CHST9: variants seen among roughly 807,000 people sequenced by gnomAD.
CHST9 encodes the protein carbohydrate sulfotransferase 9.
Under a neutral mutation model 44.4 loss-of-function variants are expected in CHST9, and 41 were observed. The ratio of observed to expected loss-of-function variants is 0.92; its 90% CI spans 0.72 to 1.20. The LOEUF is 1.20. CHST9 is among the 50% of genes most tolerant of loss of function. CHST9 has a pLI of 0.00. For synonymous variants in CHST9, 171 were observed against 178.4 expected (o/e 0.96, Z 0.33); for missense variants, 504 against 516.5 (o/e 0.98, Z 0.23).
At chr18:26,980,684 T>C (rs760455997) in intron 4 of CHST9, among the ~76,000 whole-genome samples, 32 of 152,256 alleles carry the variant, frequency 2.1e-4, no homozygotes, top group Non-Finnish European at 3.7e-4. Flanking sequence ...TAGTGCTGTC[T>C]AAGGCAAGCA....
chr18:27,171,555 C>T (rs2058833758), intron 1 of CHST9, among the ~76,000 whole-genome samples: 1 of 152,060 alleles, frequency 6.6e-6, no homozygotes, highest in Admixed American at 6.5e-5. Context: ...TCTTAGTATA[C>T]AGTAAAACTG....
At chr18:26,926,545 T>A (rs2055771530) in intron 5 of CHST9, among the ~76,000 whole-genome samples, 2 of 152,172 alleles carry the variant, frequency 1.3e-5, no homozygotes, top group African/African-American at 4.8e-5. Context: ...TCCTTCCAAG[T>A]TTTGTAGGAA....
At chr18:27,017,476 G>T (rs541135274) in intron 4 of CHST9, among the ~76,000 whole-genome samples, 1 of 152,124 alleles carries the variant, frequency 6.6e-6, no homozygotes, top group Non-Finnish European at 1.5e-5. Context: ...AAATTATTAC[G>T]GCATGTGAAA....
intron 3 of CHST9, among the ~76,000 whole-genome samples, chr18:27,040,146 G>T (rs1444654532): frequency 6.6e-6 from 1 of 152,124 alleles, no homozygotes; most frequent in Non-Finnish European, 1.5e-5. Context: ...GGAAATGAAG[G>T]TAAGCTAGGG....
At chr18:27,009,335 C>G (rs139978967) in intron 4 of CHST9, among the ~76,000 whole-genome samples, 1 of 152,232 alleles carries the variant, frequency 6.6e-6, no homozygotes, top group East Asian at 1.9e-4. Flanking sequence ...ACAAAGAACT[C>G]TTTCCTAGGA....
At chr18:27,118,529 G>A (rs545333277) in intron 2 of CHST9, among the ~76,000 whole-genome samples, 1 of 152,322 alleles carries the variant, frequency 6.6e-6, no homozygotes, top group East Asian at 1.9e-4. Flanking sequence ...TCCATCAATC[G>A]AGGAGAGATC....
At chr18:27,091,639 A>G (rs899364213) in intron 2 of CHST9, among the ~76,000 whole-genome samples, 7 of 152,168 alleles carry the variant, frequency 4.6e-5, no homozygotes, top group Non-Finnish European at 1.0e-4. Context: ...TAGTTTATTG[A>G]GAGTTTTTAG....
At chr18:26,926,964 T>A (rs889073165) in intron 5 of CHST9, among the ~76,000 whole-genome samples, 1 of 152,214 alleles carries the variant, frequency 6.6e-6, no homozygotes, top group African/African-American at 2.4e-5. Flanking sequence ...TATGGCTCTT[T>A]AATATTTCCG....
chr18:27,135,336 A>C (rs999958284), intron 2 of CHST9, among the ~76,000 whole-genome samples: 27 of 152,200 alleles, frequency 1.8e-4, no homozygotes, highest in Admixed American at 1.8e-3. Flanking sequence ...TCCATACTGC[A>C]GTAATATTTT....
chr18:27,136,901 T>C (rs988259713), intron 2 of CHST9, among the ~76,000 whole-genome samples: 2 of 152,224 alleles, frequency 1.3e-5, no homozygotes, highest in Non-Finnish European at 2.9e-5. Flanking sequence ...CAAACTAAAC[T>C]TGACTCTGGA....
At chr18:26,924,665 G>A in intron 5 of CHST9, 1 of 605,982 alleles carries the variant, frequency 1.7e-6, no homozygotes, top group Non-Finnish European at 2.1e-6. Flanking sequence ...AGAGGGTGGG[G>A]TGCTCAAAAG....
chr18:26,909,660 A>G lies in CHST9; in HGVS notation c.*6599T>C, dbSNP rs2055413715. ...TATTTTCAGCAAATGAATGCATAAA[A>G]TGAGATACTGTGTGTTTTACTAGTT... On this transcript the variant is annotated 3_prime_UTR_variant, in exon 6 of 6. Coordinates refer to ENST00000618847, the MANE Select transcript of CHST9 (RefSeq NM_031422.6). The G allele has an allele frequency of 6.6e-6, 1 of 152,210 alleles. No individual in the cohort carries two copies. Among genetic ancestry groups the G allele is most frequent in the Non-Finnish European group, 1.5e-5 (1 of 68,050 alleles). The allele number at this position is 152,210 out of a possible 1,614,324, so 9.4% of individuals were successfully genotyped here. A position where few individuals can be genotyped will look rare whatever the true frequency, so the allele number is the denominator to read the frequency against.
intron 1 of CHST9, among the ~76,000 whole-genome samples, chr18:27,161,605 G>C (rs2058747530): frequency 6.6e-6 from 1 of 152,176 alleles, no homozygotes; most frequent in Non-Finnish European, 1.5e-5. Context: ...GGGGTGGAGA[G>C]TTCTGTAGAT....
rs10568274 is a variant in CHST9, at chr18:27,019,550, CAG to C, written c.202+4564_202+4565del. The stretch of plus-strand genomic sequence containing the variant: ...TGGAGGCCTAGAGACGTAAAGGAGT[CAG>C]AGTCAGAAGAGTCAAGTTTTAGATT... On this transcript the variant is annotated intron_variant, in intron 4 of 5. Transcript: ENST00000618847. Among the ~76,000 whole-genome samples, 1,038 of 152,092 alleles carry C rather than the reference CAG, an allele frequency of 6.8e-3. 12 individuals are homozygous for C. The highest frequency in any genetic ancestry group is 0.024 in the African/African-American group (992 of 41,482).
intron 5 of CHST9, among the ~76,000 whole-genome samples, chr18:26,941,278 G>C (rs898197254): frequency 6.6e-6 from 1 of 152,164 alleles, no homozygotes; most frequent in African/African-American, 2.4e-5. Flanking sequence ...ACCAGAAACA[G>C]AGCCTCATAT....
chr18:26,952,580 C>T, intron 4 of CHST9: 1 of 370,528 alleles, frequency 2.7e-6, no homozygotes, highest in South Asian at 2.6e-5. Context: ...ACCATAGGCT[C>T]TAACGTGTGA....
chr18:27,037,784 G>A (rs1169772804), intron 3 of CHST9, among the ~76,000 whole-genome samples: 1 of 151,024 alleles, frequency 6.6e-6, no homozygotes, highest in Non-Finnish European at 1.5e-5. Context: ...ATCATTATAC[G>A]TTATTTAAAA....
intron 1 of CHST9, among the ~76,000 whole-genome samples, chr18:27,156,129 G>C (rs928058152): frequency 1.3e-5 from 2 of 150,524 alleles, no homozygotes; most frequent in African/African-American, 4.9e-5. Flanking sequence ...TTAAGGAACA[G>C]TAGGAATGAG....
chr18:26,966,345 C>T lies in CHST9; in HGVS notation c.203-21979G>A, dbSNP rs1402297089. On this transcript the variant is annotated intron_variant, in intron 4 of 5. Coordinates refer to ENST00000618847, the MANE Select transcript of CHST9 (RefSeq NM_031422.6). Reference sequence around the variant, plus strand: ...TAGAAAAGATCAGGCACAGCAAAAGCGAGTTAAAGCCTTAAAAATATGTTA... The same window carrying T: ...TAGAAAAGATCAGGCACAGCAAAAGTGAGTTAAAGCCTTAAAAATATGTTA... Among the ~76,000 whole-genome samples, 4 of 152,164 alleles carry T rather than the reference C, an allele frequency of 2.6e-5. No homozygotes were observed. The East Asian group carries it at 5.8e-4, about 22-fold the overall frequency.
Sources: allele counts gnomAD v4.1 joint callset (sites outside exome capture counted in the v4.1 genomes callset), GRCh38; gene constraint gnomAD v4.1.1; transcripts MANE v1.5; gene names NCBI Gene and HGNC (gene_info 2026-07-23, HGNC 2026-07-21).